Variants in RFC5 observed in about 807,000 individuals in gnomAD.
RFC5 encodes A1 36 kDa subunit.
A neutral mutation model predicts 44.3 loss-of-function variants in RFC5; 26 were observed. The observed-to-expected ratio is 0.59, with a 90% CI of 0.43 to 0.81. The LOEUF (loss-of-function observed/expected upper bound fraction) is 0.81, where lower values mean the gene tolerates loss of function less well. RFC5 is among the 40% of genes least tolerant of loss of function. The pLI is 0.00. For synonymous variants in RFC5, 155 were observed against 155.2 expected (o/e 1.00, Z 0.01); for missense variants, 328 against 418.6 (o/e 0.78, Z 1.89).
At chr12:118,028,092 G>A (rs1398552094) in intron 9 of RFC5, 62 bp downstream of exon 9, 2 of 1,019,868 alleles carry the variant, frequency 2.0e-6, no homozygotes, top group African/African-American at 3.2e-5. Flanking sequence ...TGGGGTTAAG[G>A]ATGGTTAGGA....
rs1300539278 is a variant in RFC5, at chr12:118,020,907, T to C, written c.269T>C (p.Leu90Pro). The C allele has an allele frequency of 1.9e-6, 3 of 1,606,756 alleles. No homozygotes were observed. Among genetic ancestry groups the C allele is most frequent in the Non-Finnish European group, 1.7e-6 (2 of 1,173,936 alleles). Residue 90 changes from leucine (L) to proline (P), a missense_variant and splice_region_variant, in exon 4 of 11, where the codon CTG becomes CCG. Physicochemically the swap from Leu to Pro is moderately conservative, Grantham distance 98. Transcript: ENST00000454402. ...DKEFGSMVLELNASDDRGIDI... is the reference protein window; with the variant it reads ...DKEFGSMVLEPNASDDRGIDI... Reference sequence around the variant, plus strand: ...TTGTCTTCTGTCTTCCACATTTAGCTGAATGCTTCAGATGACCGAGGAATA... The same window carrying C: ...TTGTCTTCTGTCTTCCACATTTAGCCGAATGCTTCAGATGACCGAGGAATA...
intron 3 of RFC5, among the ~76,000 whole-genome samples, chr12:118,020,165 T>C (rs5745818): frequency 2.8e-4 from 42 of 152,104 alleles, no homozygotes; most frequent in African/African-American, 8.2e-4. Flanking sequence ...GTTTGGCCAA[T>C]AGGGGCCTTG....
Position 118,016,851 on chromosome 12 carries a change from G to A in RFC5, c.24G>A (p.Gln8=), listed in dbSNP as rs768723472. 1.2e-6 allele frequency: 2 copies of A among 1,613,448 alleles called. No homozygotes were observed. The highest frequency in any genetic ancestry group is 1.7e-6 in the Non-Finnish European group (2 of 1,179,794). Residue 8 remains glutamine, a synonymous_variant, in exon 1 of 11, where the codon CAG becomes CAA. Coordinates refer to ENST00000454402, the MANE Select transcript of RFC5 (RefSeq NM_007370.7). ...CCATGGAGACCTCAGCACTCAAGCAGCAGGAGCAGCCCGCGGCGACCAAGA... is the reference window on the plus strand; with the variant it reads ...CCATGGAGACCTCAGCACTCAAGCAACAGGAGCAGCCCGCGGCGACCAAGA... METSALK[Q]QEQPAATKIR...
rs1025556412 is a variant in RFC5, at chr12:118,031,515, AG to A, written c.*241del. On this transcript the variant is annotated 3_prime_UTR_variant, in exon 11 of 11. Coordinates refer to ENST00000454402, the MANE Select transcript of RFC5 (RefSeq NM_007370.7). ...TTAACTCATACTGCCTGTCTTTTAT[AG>A]GGGAAAAAAATAACCTTTTTTATTT... The A allele has an allele frequency of 1.9e-4, 59 of 318,350 alleles. No homozygotes were observed. The highest frequency in any genetic ancestry group is 1.2e-3 in the African/African-American group (57 of 46,884). 19.7% of individuals were successfully genotyped at this position (318,350 alleles called of 1,614,324 possible).
At chr12:118,018,083 T>G (rs1383113810) in intron 1 of RFC5, 1 of 691,580 alleles carries the variant, frequency 1.4e-6, no homozygotes, top group Admixed American at 2.0e-5. Context: ...ATGTGGCCTT[T>G]TGTGTCTGGT....
chr12:118,023,282 C>A (rs2030642886), intron 5 of RFC5, among the ~76,000 whole-genome samples: 1 of 151,246 alleles, frequency 6.6e-6, no homozygotes, highest in African/African-American at 2.4e-5. Flanking sequence ...TCTTAAAGGA[C>A]ACTTGTCATC....
rs557930897 is a variant in RFC5, at chr12:118,019,467, C to G, written c.131-165C>G. 6.6e-6 allele frequency among the ~76,000 whole-genome samples: 1 copy of G among 152,284 alleles called. No homozygotes were observed. Among genetic ancestry groups the G allele is most frequent in the East Asian group, 1.9e-4 (1 of 5,176 alleles). On this transcript the variant is annotated intron_variant, in intron 2 of 10. Transcript: ENST00000454402. The surrounding 1 kb of genome is among the most constrained non-coding windows in gnomAD (Gnocchi z 4.2). ...ACTGGCTGCGCTATTGAGTGAATTCCAGTTGTTCCACGAAAGTAGATATGA... is the reference window on the plus strand; with the variant it reads ...ACTGGCTGCGCTATTGAGTGAATTCGAGTTGTTCCACGAAAGTAGATATGA...
chr12:118,034,720 T>G (rs2031465733), downstream of RFC5: 5 of 530,998 alleles, frequency 9.4e-6, no homozygotes, highest in Middle Eastern at 5.0e-4. Context: ...CCATATATTA[T>G]GCATCATCTC....
intron 5 of RFC5, among the ~76,000 whole-genome samples, chr12:118,023,425 GAGGAA>G (rs2030674146): frequency 3.4e-5 from 1 of 29,186 alleles, no homozygotes; most frequent in East Asian, 2.1e-3. Context: ...GGGAGGAGGG[GAGGAA>G]GAGGAGGGGG....
At chr12:118,038,191 G>A in the RFC5 span, 1 of 1,179,846 alleles carries the variant, frequency 8.5e-7, no homozygotes, top group Non-Finnish European at 1.2e-6. Flanking sequence ...CTATTGGGGT[G>A]GATTTGCGGA....
downstream of RFC5, chr12:118,034,652 C>CCACCTACTG (rs2137758976): frequency 2.0e-6 from 1 of 487,886 alleles, no homozygotes; most frequent in East Asian, 3.5e-5. Context: ...GGGAAGAGTG[C>CCACCTACTG]CACCTACTGA....
rs570723597 is a variant in RFC5, at chr12:118,018,523, C to T, written c.66-549C>T. Among the ~76,000 whole-genome samples the T allele has an allele frequency of 2.6e-5, 4 of 152,256 alleles. No homozygotes were observed. In the South Asian group the frequency reaches 8.3e-4, roughly 32 times the overall value. ...CTAGATGTTCCTAGGAAGACAAAATCACCTGTGGTTGGGAACCACTGGTCT... is the reference window on the plus strand; with the variant it reads ...CTAGATGTTCCTAGGAAGACAAAATTACCTGTGGTTGGGAACCACTGGTCT... On this transcript the variant is annotated intron_variant, in intron 1 of 10. Transcript: ENST00000454402.
chr12:118,034,403 C>A (rs774794578), downstream of RFC5: 32 of 1,599,800 alleles, frequency 2.0e-5, no homozygotes, highest in Non-Finnish European at 2.7e-5. Context: ...CTTGGATGTT[C>A]ATGTTTTCAT....
chr12:118,025,474 G>A (rs185850243), intron 6 of RFC5: 7 of 424,208 alleles, frequency 1.7e-5, no homozygotes, highest in Admixed American at 1.5e-4. Context: ...CCTCCCCAGA[G>A]AGCAGAATTC....
chr12:118,021,714 T>C (rs181838780), intron 4 of RFC5, among the ~76,000 whole-genome samples: 205 of 149,926 alleles, frequency 1.4e-3, no homozygotes, highest in African/African-American at 4.9e-3. Flanking sequence ...CCTAGGACTT[T>C]GGGAGGCCTA....
Position 118,019,192 on chromosome 12 carries a change from C to A in RFC5, c.130+56C>A. Reference sequence around the variant, plus strand: ...CTGCTTGAGCGACTTGTATAAATTGCTTGGTGATGTTGTCTCTCCTAAGTA... The same window carrying A: ...CTGCTTGAGCGACTTGTATAAATTGATTGGTGATGTTGTCTCTCCTAAGTA... On this transcript the variant is annotated intron_variant, in intron 2 of 10. Coordinates refer to ENST00000454402, the MANE Select transcript of RFC5 (RefSeq NM_007370.7). The surrounding 1 kb of genome is among the most constrained non-coding windows in gnomAD (Gnocchi z 4.2). 1 of 1,265,402 alleles carries A rather than the reference C, an allele frequency of 7.9e-7. No individual in the cohort carries two copies. Among genetic ancestry groups the A allele is most frequent in the Non-Finnish European group, 1.2e-6 (1 of 864,918 alleles). The allele number at this position is 1,265,402 out of a possible 1,614,324, so 78.4% of individuals were successfully genotyped here.
chr12:118,020,186 G>A (rs7955868), intron 3 of RFC5, among the ~76,000 whole-genome samples: 112 of 152,296 alleles, frequency 7.4e-4, no homozygotes, highest in African/African-American at 2.3e-3. Context: ...GCAGGGGTGG[G>A]GGAAGGAAGT....
downstream of RFC5, chr12:118,036,069 G>C (rs566043233): frequency 1.6e-5 from 4 of 245,626 alleles, no homozygotes; most frequent in African/African-American, 9.0e-5. Context: ...AGGCCTGGTG[G>C]CGCACGCTTG....
At chr12:118,040,422 G>C in the RFC5 span, among the ~76,000 whole-genome samples, 1 of 152,074 alleles carries the variant, frequency 6.6e-6, no homozygotes, top group African/African-American at 2.4e-5. Context: ...ACCTTCCTGA[G>C]ATGGTGGCAA....
Sources: allele counts gnomAD v4.1 joint callset (sites outside exome capture counted in the v4.1 genomes callset), GRCh38; gene constraint gnomAD v4.1.1; non-coding constraint Gnocchi (gnomAD v3.1); transcripts MANE v1.5; gene names NCBI Gene and HGNC (gene_info 2026-07-23, HGNC 2026-07-21).